TG: variants seen among roughly 807,000 people sequenced by gnomAD.
The protein encoded by TG is thyroglobulin, also known as thyroid hormones.
TG carries 270 observed loss-of-function variants against 324.7 expected under a neutral mutation model. That is an observed-to-expected ratio of 0.83 (90% CI 0.75 to 0.92). The LOEUF (loss-of-function observed/expected upper bound fraction) is 0.92. Ranked by LOEUF, TG falls within the 40% of genes least tolerant of loss-of-function variation. The pLI is 0.00. For synonymous variants in TG, 1,401 were observed against 1,327.0 expected (o/e 1.06, Z -1.21); for missense variants, 3,591 against 3,456.4 (o/e 1.04, Z -0.98).
At position 133,072,403 on chromosome 8, in the gene TG, T is replaced by G. The variant is rs572791764; in HGVS notation, c.7240-22641T>G. 6.6e-5 allele frequency among the ~76,000 whole-genome samples: 10 copies of G among 152,274 alleles called. 1 individual carries two copies. The East Asian group carries it at 1.9e-3, about 29-fold the overall frequency. On this transcript the variant is annotated intron_variant, in intron 41 of 47. Coordinates refer to ENST00000220616, the MANE Select transcript of TG (RefSeq NM_003235.5). ...AGGAAGTCGATCACATGATGTGACC[T>G]CAATGGATATTTTATTGCAGGAAGA...
At chr8:132,972,556 T>C (rs1311929441) in intron 33 of TG, 42 bp from the exon 34 acceptor site, 2 of 1,603,398 alleles carry the variant, frequency 1.2e-6, no homozygotes, top group South Asian at 1.1e-5. Context: ...TTGTACTCAG[T>C]TTCCTGATTG....
At chr8:133,025,213 G>A (rs1409926812) in intron 40 of TG, among the ~76,000 whole-genome samples, 2 of 152,186 alleles carry the variant, frequency 1.3e-5, no homozygotes, top group Non-Finnish European at 2.9e-5. Context: ...GCAGATTCAG[G>A]CTTCTTGCTA....
At chr8:132,992,581 C>A (rs182757331) in intron 35 of TG, among the ~76,000 whole-genome samples, 5 of 152,310 alleles carry the variant, frequency 3.3e-5, no homozygotes, top group African/African-American at 1.2e-4. Context: ...AGATGTGTCC[C>A]ACATTGGACT....
At chr8:133,111,014 A>G (rs1850206727) in intron 43 of TG, among the ~76,000 whole-genome samples, 1 of 152,232 alleles carries the variant, frequency 6.6e-6, no homozygotes, top group African/African-American at 2.4e-5. Context: ...TGTCTGGCTC[A>G]GAGAGAGGAA....
chr8:132,992,169 T>TTA, intron 35 of TG, among the ~76,000 whole-genome samples: 2 of 152,294 alleles, frequency 1.3e-5, no homozygotes, highest in East Asian at 3.9e-4. Flanking sequence ...CACTAAGCAC[T>TTA]GGGGTACGGC....
Position 133,022,059 on chromosome 8 carries a change from G to A in TG, c.6945G>A (p.Pro2315=), listed in dbSNP as rs769872031. 23 of 1,614,072 alleles carry A rather than the reference G, an allele frequency of 1.4e-5. No individual in the cohort carries two copies. The highest frequency in any genetic ancestry group is 2.2e-5 in the South Asian group (2 of 91,086). The change falls in exon 40 of 48, where the codon CCG becomes CCA. Residue 2315 remains proline, a synonymous_variant. Coordinates refer to ENST00000220616, the MANE Select transcript of TG (RefSeq NM_003235.5). The part of the protein sequence containing the change: ...TMDREESEGW[P]AIDGSFLAAV... ...ACAGGGAGGAGAGTGAAGGATGGCC[G>A]GCTATCGACGGCTCCTTCTTGGCTG...
Position 132,882,858 on chromosome 8 carries a change from G to T in TG, c.934G>T (p.Gly312Cys), listed in dbSNP as rs762383833. ...GGAGCGGTTTACAGCAACCAGCTTT[G>T]GTCACCCCTATGTTCCAAGCTGCCG... The part of the protein sequence containing the change: ...EVERFTATSF[G>C]HPYVPSCRRN... The change falls in exon 8 of 48, where the codon GGT becomes TGT. Residue 312 changes from glycine (G) to cysteine (C), a missense_variant. By Grantham distance (159) the Gly-to-Cys change is radical. Coordinates refer to ENST00000220616, the MANE Select transcript of TG (RefSeq NM_003235.5). The T allele has an allele frequency of 9.9e-6, 16 of 1,614,208 alleles. No individual in the cohort carries two copies. The South Asian group carries it at 1.6e-4, about 17-fold the overall frequency.
At chr8:133,084,020 T>C (rs1223109707) in intron 41 of TG, among the ~76,000 whole-genome samples, 3 of 152,140 alleles carry the variant, frequency 2.0e-5, no homozygotes, top group African/African-American at 4.8e-5. Context: ...CCATTCCCTC[T>C]CCTGTGCTCA....
chr8:133,131,929 C>A lies in TG; in HGVS notation c.7980C>A (p.Ser2660=). Residue 2660 remains serine, a synonymous_variant, in exon 46 of 48, where the codon TCC becomes TCA. Coordinates refer to ENST00000220616, the MANE Select transcript of TG (RefSeq NM_003235.5). ...SLSLKIMQYF[S]HFIRSGNPNY... ...CGCTGAAAATCATGCAGTACTTTTC[C>A]CACTTCATCAGATCAGGGTAATTTT... The A allele has an allele frequency of 6.2e-7, 1 of 1,614,042 alleles. No individual in the cohort carries two copies. Among genetic ancestry groups the A allele is most frequent in the South Asian group, 1.1e-5 (1 of 91,082 alleles).
chr8:132,940,127 T>C (rs923475915), intron 25 of TG, among the ~76,000 whole-genome samples: 1 of 152,188 alleles, frequency 6.6e-6, no homozygotes, highest in Non-Finnish European at 1.5e-5. Context: ...CTGAAGCTCG[T>C]GCTCTTGGGT....
At chr8:133,084,352 A>C (rs1846195935) in intron 41 of TG, among the ~76,000 whole-genome samples, 1 of 152,146 alleles carries the variant, frequency 6.6e-6, no homozygotes, top group Non-Finnish European at 1.5e-5. Context: ...ATAATGATGA[A>C]ATTATTTTTA....
Position 132,896,971 on chromosome 8 carries a change from C to G in TG, c.3002-678C>G, listed in dbSNP as rs78421985. The stretch of plus-strand genomic sequence containing the variant: ...GGTGGCCAGTGGTTCATCATATAAC[C>G]TCCCTCGCTGAGCCTCTGTGTCCTC... On this transcript the variant is annotated intron_variant, in intron 11 of 47. Transcript: ENST00000220616. Among the ~76,000 whole-genome samples, 376 of 152,326 alleles carry G rather than the reference C, an allele frequency of 2.5e-3. 15 individuals carry two copies. In the East Asian group the frequency reaches 0.061, roughly 25 times the overall value.
chr8:132,930,222 A>G (rs1029864429), intron 23 of TG, among the ~76,000 whole-genome samples: 1 of 152,246 alleles, frequency 6.6e-6, no homozygotes, highest in African/African-American at 2.4e-5. Flanking sequence ...TTGTAGAATG[A>G]GAGATATTGA....
At chr8:132,977,637 A>G (rs1373604905) in intron 34 of TG, among the ~76,000 whole-genome samples, 4 of 152,134 alleles carry the variant, frequency 2.6e-5, no homozygotes, top group South Asian at 2.1e-4. Context: ...GAAGAGAGAA[A>G]TTGTGCAGGG....
intron 41 of TG, among the ~76,000 whole-genome samples, chr8:133,065,115 A>G (rs577185945): frequency 6.6e-6 from 1 of 152,318 alleles, no homozygotes; most frequent in African/African-American, 2.4e-5. Flanking sequence ...TGGTGCGGCA[A>G]GTGGAGAAGC....
intron 16 of TG, among the ~76,000 whole-genome samples, chr8:132,906,288 G>C (rs946305867): frequency 6.6e-6 from 1 of 152,124 alleles, no homozygotes; most frequent in Non-Finnish European, 1.5e-5. Flanking sequence ...TGGCTGGGTG[G>C]CTGGTGGTAC....
intron 41 of TG, among the ~76,000 whole-genome samples, chr8:133,031,649 G>A (rs1836651033): frequency 6.6e-6 from 1 of 152,184 alleles, no homozygotes; most frequent in Non-Finnish European, 1.5e-5. Flanking sequence ...TTGATCCTAG[G>A]AGGGTAGGAG....
intron 45 of TG, 99 bp from the exon 46 acceptor site, chr8:133,131,713 T>A: frequency 1.3e-6 from 2 of 1,534,924 alleles, no homozygotes; most frequent in Non-Finnish European, 1.8e-6. Context: ...GAAGGGAAAG[T>A]CTTGGTTTTG....
At chr8:133,049,658 C>A (rs1840054120) in intron 41 of TG, 4 of 501,162 alleles carry the variant, frequency 8.0e-6, no homozygotes, top group East Asian at 3.6e-5. Context: ...CCAGGAGCAC[C>A]ATGTTAGAGC....
Sources: allele counts gnomAD v4.1 joint callset (sites outside exome capture counted in the v4.1 genomes callset), GRCh38; gene constraint gnomAD v4.1.1; transcripts MANE v1.5; gene names NCBI Gene and HGNC (gene_info 2026-07-23, HGNC 2026-07-21).